Variants in MYCBP2 observed in about 807,000 individuals in gnomAD.
The protein encoded by MYCBP2 is E3 ubiquitin-protein ligase MYCBP2.
A neutral mutation model predicts 525.3 loss-of-function variants in MYCBP2; 120 were observed. The ratio of observed to expected loss-of-function variants is 0.23; its 90% CI spans 0.20 to 0.27. MYCBP2 has a LOEUF of 0.27. Ranked by LOEUF, MYCBP2 falls within the 10% of genes least tolerant of loss-of-function variation. The pLI is 1.00. For synonymous variants in MYCBP2, 1,894 were observed against 1,955.8 expected, an observed-to-expected ratio of 0.97 and a Z score of 0.83; for missense variants, 4,149 against 5,657.1, an observed-to-expected ratio of 0.73 and a Z score of 8.55.
chr13:77,154,680 C>T (rs1043768554), intron 46 of MYCBP2, among the ~76,000 whole-genome samples: 4 of 152,064 alleles, frequency 2.6e-5, no homozygotes, highest in Non-Finnish European at 5.9e-5. Context: ...TAACAACTCA[C>T]TACATTGAGA....
At chr13:77,139,512 C>A (rs1232371317) in intron 51 of MYCBP2, among the ~76,000 whole-genome samples, 176 bp from the exon 52 acceptor site, 1 of 152,090 alleles carries the variant, frequency 6.6e-6, no homozygotes, top group Non-Finnish European at 1.5e-5. Flanking sequence ...GCAAAGAGTG[C>A]CAACACAATA....
chr13:77,203,624 C>CA (rs1433190588), intron 26 of MYCBP2, among the ~76,000 whole-genome samples: 1 of 152,240 alleles, frequency 6.6e-6, no homozygotes, highest in Non-Finnish European at 1.5e-5. Flanking sequence ...CTGGAGGCAT[C>CA]ACACTACCTG....
chr13:77,311,570 T>TTG (rs921983141), intron 1 of MYCBP2, among the ~76,000 whole-genome samples: 3 of 143,752 alleles, frequency 2.1e-5, no homozygotes, highest in African/African-American at 8.6e-5. Flanking sequence ...TTTTTGTTTT[T>TTG]TTTTTTTTGT....
At chr13:77,214,049 T>A (rs2064434309) in intron 21 of MYCBP2, among the ~76,000 whole-genome samples, 1 of 152,166 alleles carries the variant, frequency 6.6e-6, no homozygotes, top group Non-Finnish European at 1.5e-5. Flanking sequence ...AAAGTTAACC[T>A]TCAATGCCAA....
chr13:77,159,253 T>G (rs1035794731), intron 44 of MYCBP2, among the ~76,000 whole-genome samples: 13 of 152,160 alleles, frequency 8.5e-5, no homozygotes, highest in Non-Finnish European at 1.9e-4. Flanking sequence ...CTTACACAGT[T>G]AAAAAATTCA....
At chr13:77,199,744 C>G (rs1233031844) in intron 26 of MYCBP2, among the ~76,000 whole-genome samples, 5 of 152,158 alleles carry the variant, frequency 3.3e-5, no homozygotes, top group African/African-American at 4.8e-5. Flanking sequence ...CCTGACCCTC[C>G]AGCAGCCTAA....
At chr13:77,253,806 T>A (rs1486520167) in intron 14 of MYCBP2, among the ~76,000 whole-genome samples, 1 of 152,030 alleles carries the variant, frequency 6.6e-6, no homozygotes, top group African/African-American at 2.4e-5. Flanking sequence ...TCAGATGTGA[T>A]GTGGAAAATC....
intron 52 of MYCBP2, among the ~76,000 whole-genome samples, chr13:77,130,358 GATA>G (rs955498075): frequency 2.8e-4 from 42 of 150,906 alleles, no homozygotes; most frequent in African/African-American, 3.9e-4. Context: ...TCTCATTTTA[GATA>G]ATGAGACTTT....
chr13:77,261,668 C>G (rs1387370335), intron 11 of MYCBP2, among the ~76,000 whole-genome samples: 2 of 151,842 alleles, frequency 1.3e-5, no homozygotes, highest in Admixed American at 1.3e-4. Context: ...TCAAAGATAA[C>G]AGATCACCAT....
intron 55 of MYCBP2, 68 bp downstream of exon 55, chr13:77,121,305 G>A: frequency 7.6e-7 from 1 of 1,322,502 alleles, no homozygotes; most frequent in South Asian, 2.0e-5. Flanking sequence ...AATAAAAAGT[G>A]TATAAAAGAG....
chr13:77,132,223 C>A (rs2053005469), intron 52 of MYCBP2, among the ~76,000 whole-genome samples: 1 of 151,976 alleles, frequency 6.6e-6, no homozygotes, highest in South Asian at 2.1e-4. Flanking sequence ...TATACACATA[C>A]ACACAAAGCT....
chr13:77,067,239 TTAC>T (rs1205794064), intron 71 of MYCBP2, among the ~76,000 whole-genome samples: 2 of 152,170 alleles, frequency 1.3e-5, no homozygotes, highest in African/African-American at 4.8e-5. Flanking sequence ...GACCTGAACT[TTAC>T]TTTATTCCCC....
In MYCBP2 at chr13:77,174,431, T is replaced by C; in HGVS notation, c.5531A>G (p.Asp1844Gly). Residue 1844 changes from aspartate to glycine, a missense_variant, in exon 37 of 83, where the codon GAT becomes GGT. By Grantham distance (94) the Asp-to-Gly change is moderately conservative. Around this residue, in one of 21 missense-constraint regions of MYCBP2, gnomAD observed 109 missense variants for 118.9 expected, o/e 0.92. Coordinates refer to ENST00000544440, the MANE Select transcript of MYCBP2 (RefSeq NM_015057.5). ...RNYGSRTANGDGGMTTVQCPD... is the reference protein window; with the variant it reads ...RNYGSRTANGGGGMTTVQCPD... ...GCACTGAACTGTGGTCATTCCTCCA[T>C]CTCCATTGGCTGTACGGCTTCCATA... is the stretch of plus-strand genomic sequence containing the variant. 2 of 1,614,154 alleles carry C rather than the reference T, an allele frequency of 1.2e-6. No individual in the cohort carries two copies. Among genetic ancestry groups the C allele is most frequent in the Non-Finnish European group, 1.7e-6 (2 of 1,180,024 alleles).
At chr13:77,256,433 A>C (rs1377998889) in intron 14 of MYCBP2, among the ~76,000 whole-genome samples, 1 of 152,092 alleles carries the variant, frequency 6.6e-6, no homozygotes, top group African/African-American at 2.4e-5. Context: ...AAAAATAAAA[A>C]ATCTAAAGTG....
rs1351736011 is a variant in MYCBP2 at position 77,045,052 on chromosome 13, CTTAG to C, written c.*322_*325del. 4.9e-6 allele frequency: 2 copies of C among 405,872 alleles called. No individual in the cohort carries two copies. The allele number at this position is 405,872 out of a possible 1,614,324, so 25.1% of individuals were successfully genotyped here. A position where few individuals can be genotyped will look rare whatever the true frequency, so the allele number is the denominator to read the frequency against. On this transcript the variant is annotated 3_prime_UTR_variant, in exon 83 of 83. Transcript: ENST00000544440. ...TTTTTGCTTGAAAGCCAGCATCGTT[CTTAG>C]TCCATGGGCATGGCGATTCTTTTAT...
At chr13:77,171,362 G>T in intron 38 of MYCBP2, 130 bp downstream of exon 38, 1 of 853,768 alleles carries the variant, frequency 1.2e-6, no homozygotes, top group Non-Finnish European at 1.8e-6. Context: ...ATTAATCCAT[G>T]GGTGGATCTA....
At position 77,067,716 on chromosome 13, in the gene MYCBP2, T is replaced by C; in HGVS notation, c.12320A>G (p.Asp4107Gly). The C allele has an allele frequency of 6.2e-7, 1 of 1,614,138 alleles. No homozygotes were observed. Among genetic ancestry groups the C allele is most frequent in the Non-Finnish European group, 8.5e-7 (1 of 1,180,016 alleles). ...KGDWNKLGILDMFLGCIAKAL... is the reference protein window; with the variant it reads ...KGDWNKLGILGMFLGCIAKAL... ...TTTGGCAATGCATCCTAGAAACATG[T>C]CCAAGATACCCAGCTTATTCCAGTC... The change falls in exon 71 of 83, where the codon GAC becomes GGC. Residue 4107 changes from aspartate (D) to glycine (G), a missense_variant. Asp to Gly is a moderately conservative substitution (Grantham distance 94). This residue lies in a region of MYCBP2 where 148 missense variants were observed against 179.4 expected (regional missense o/e 0.82). Coordinates refer to ENST00000544440, the MANE Select transcript of MYCBP2 (RefSeq NM_015057.5).
chr13:77,062,453 C>T (rs1394943608), intron 74 of MYCBP2, 143 bp downstream of exon 74: 2 of 686,070 alleles, frequency 2.9e-6, no homozygotes, highest in East Asian at 5.5e-5. Flanking sequence ...GTGAGATGAA[C>T]TTGGCCGAAG....
chr13:77,234,710 GAACA>G lies in MYCBP2; in HGVS notation c.2630-1451_2630-1448del, dbSNP rs1176592864. Among the ~76,000 whole-genome samples the G allele has an allele frequency of 2.0e-5, 3 of 151,800 alleles. No homozygotes were observed. The East Asian group carries it at 5.8e-4, about 29-fold the overall frequency. On this transcript the variant is annotated intron_variant, in intron 17 of 82. Coordinates refer to ENST00000544440, the MANE Select transcript of MYCBP2 (RefSeq NM_015057.5). The stretch of plus-strand genomic sequence containing the variant: ...GTAATAAAATTGATATTTCAAATAT[GAACA>G]AATATGAACAAAATGCCTTATTTTC...
Sources: allele counts gnomAD v4.1 joint callset (sites outside exome capture counted in the v4.1 genomes callset), GRCh38; gene constraint gnomAD v4.1.1; regional missense constraint gnomAD v4.1.1; transcripts MANE v1.5; gene names NCBI Gene and HGNC (gene_info 2026-07-23, HGNC 2026-07-21).